Variants in PIK3C2A observed in about 807,000 individuals in gnomAD.
PIK3C2A encodes phosphatidylinositol-4-phosphate 3-kinase catalytic subunit type 2 alpha.
In PIK3C2A, 97 loss-of-function variants were observed where a neutral mutation model predicts 204.5. The observed-to-expected ratio is 0.47, with a 90% CI of 0.40 to 0.56. The LOEUF (loss-of-function observed/expected upper bound fraction) is 0.56, where lower values mean the gene tolerates loss of function less well. Ranked by LOEUF, PIK3C2A falls within the 20% of genes least tolerant of loss-of-function variation. The pLI, the probability that PIK3C2A is intolerant of heterozygous loss-of-function variation, is 0.00. For missense variants in PIK3C2A, 1,735 were observed against 1,969.2 expected, an observed-to-expected ratio of 0.88 and a Z score of 2.25; for synonymous variants, 653 against 664.4, an observed-to-expected ratio of 0.98 and a Z score of 0.26.
chr11:17,178,931 T>C (rs898307302), intron 1 of PIK3C2A, among the ~76,000 whole-genome samples: 1 of 149,862 alleles, frequency 6.7e-6, no homozygotes, highest in Non-Finnish European at 1.5e-5. Context: ...GGGTTTCACC[T>C]TGTTAGCCAG....
At chr11:17,128,467 G>C (rs1438369916) in intron 13 of PIK3C2A, among the ~76,000 whole-genome samples, 5 of 152,050 alleles carry the variant, frequency 3.3e-5, no homozygotes, top group Admixed American at 3.3e-4. Flanking sequence ...TCAAACTGCT[G>C]ACCTCAAGTG....
In PIK3C2A at chr11:17,169,826, T is replaced by C. The variant is rs150910454; in HGVS notation, c.-65-20A>G. 1.3e-3 allele frequency: 1,118 copies of C among 834,944 alleles called. 5 individuals are homozygous for C. The African/African-American group carries it at 0.017, about 13-fold the overall frequency. The allele number at this position is 834,944 out of a possible 1,614,324, so 51.7% of individuals were successfully genotyped here. ...CAAGGCCTATACATAAAAATAAACATAACACTCAATTAGATTTCTAAACAT... is the reference window on the plus strand; with the variant it reads ...CAAGGCCTATACATAAAAATAAACACAACACTCAATTAGATTTCTAAACAT... On this transcript the variant is annotated intron_variant, in intron 1 of 32. Coordinates refer to ENST00000691414, the MANE Select transcript of PIK3C2A (RefSeq NM_002645.4).
chr11:17,181,722 A>G (rs909056462), intron 1 of PIK3C2A, among the ~76,000 whole-genome samples: 2 of 148,678 alleles, frequency 1.3e-5, no homozygotes, highest in African/African-American at 5.0e-5. Flanking sequence ...TGATTCATAT[A>G]AAGTTCAAAA....
At chr11:17,205,551 A>G (rs1347813741) in intron 1 of PIK3C2A, among the ~76,000 whole-genome samples, 1 of 151,912 alleles carries the variant, frequency 6.6e-6, no homozygotes, top group Non-Finnish European at 1.5e-5. Flanking sequence ...GCTTTGCACT[A>G]CTGCTGCTCT....
At chr11:17,132,515 G>T (rs1166508061) in intron 11 of PIK3C2A, among the ~76,000 whole-genome samples, 1 of 150,406 alleles carries the variant, frequency 6.6e-6, no homozygotes, top group Admixed American at 6.6e-5. Context: ...ATTTTTAGTA[G>T]AGACGGGGTT....
intron 2 of PIK3C2A, among the ~76,000 whole-genome samples, chr11:17,156,393 T>TC (rs1161721852): frequency 2.6e-5 from 4 of 152,190 alleles, no homozygotes; most frequent in Non-Finnish European, 5.9e-5. Flanking sequence ...GACTTTTTTT[T>TC]CTTTGTTTTT....
intron 1 of PIK3C2A, among the ~76,000 whole-genome samples, chr11:17,207,450 C>T (rs969423473): frequency 6.6e-6 from 1 of 152,158 alleles, no homozygotes. Context: ...TAACAATCTG[C>T]CAAGAAAATA....
chr11:17,202,309 G>A (rs913646570), intron 1 of PIK3C2A, among the ~76,000 whole-genome samples: 2 of 151,076 alleles, frequency 1.3e-5, no homozygotes, highest in Non-Finnish European at 2.9e-5. Flanking sequence ...ATACTGGGGT[G>A]GACGTGGTGG....
chr11:17,099,192 G>A (rs182844842), intron 26 of PIK3C2A, among the ~76,000 whole-genome samples: 8 of 152,324 alleles, frequency 5.3e-5, no homozygotes, highest in African/African-American at 1.9e-4. Flanking sequence ...ACTGCGCCTG[G>A]CTGGAAGATC....
At chr11:17,139,286 G>C (rs1462708374) in intron 8 of PIK3C2A, among the ~76,000 whole-genome samples, 1 of 151,218 alleles carries the variant, frequency 6.6e-6, no homozygotes, top group African/African-American at 2.4e-5. Context: ...GGAGTGCAGT[G>C]GCATGATCTC....
chr11:17,095,262 T>C (rs985693496), intron 27 of PIK3C2A, among the ~76,000 whole-genome samples: 7 of 151,628 alleles, frequency 4.6e-5, no homozygotes, highest in Non-Finnish European at 7.4e-5. Context: ...CGAGACCGTT[T>C]CTCAAAAAGT....
At chr11:17,103,888 G>T (rs563410578) in intron 23 of PIK3C2A, among the ~76,000 whole-genome samples, 2 of 152,242 alleles carry the variant, frequency 1.3e-5, no homozygotes, top group Admixed American at 1.3e-4. Context: ...TCCTCACCAG[G>T]AATCACAAAA....
rs570965921 is a variant in PIK3C2A, at chr11:17,175,667, G to A, written c.-65-5861C>T. Among the ~76,000 whole-genome samples the A allele has an allele frequency of 7.2e-5, 11 of 152,266 alleles. No homozygotes were observed. In the East Asian group the frequency reaches 1.9e-3, roughly 27 times the overall value. On this transcript the variant is annotated intron_variant, in intron 1 of 32. Coordinates refer to ENST00000691414, the MANE Select transcript of PIK3C2A (RefSeq NM_002645.4). ...TAAAGTAACCCAGTGAAGATCACAAGGCTGTAGCTACTTTAAAATTCTTCA... is the reference window on the plus strand; with the variant it reads ...TAAAGTAACCCAGTGAAGATCACAAAGCTGTAGCTACTTTAAAATTCTTCA...
At chr11:17,133,585 C>A (rs1278585581) in intron 11 of PIK3C2A, among the ~76,000 whole-genome samples, 1 of 152,110 alleles carries the variant, frequency 6.6e-6, no homozygotes, top group African/African-American at 2.4e-5. Flanking sequence ...AAAACTATTT[C>A]ACTAAAAATA....
At chr11:17,193,485 A>G in intron 1 of PIK3C2A, 1 of 448,126 alleles carries the variant, frequency 2.2e-6, no homozygotes, top group Non-Finnish European at 4.5e-6. Flanking sequence ...CTTAGGGTGC[A>G]GACATGGCCA....
intron 20 of PIK3C2A, among the ~76,000 whole-genome samples, chr11:17,113,133 T>C (rs1565249292): frequency 6.6e-6 from 1 of 152,106 alleles, no homozygotes; most frequent in Non-Finnish European, 1.5e-5. Flanking sequence ...TGCCTCAGCC[T>C]CCCGAGTAGC....
At chr11:17,147,102 CAG>C (rs913124292) in intron 6 of PIK3C2A, among the ~76,000 whole-genome samples, 1 of 151,980 alleles carries the variant, frequency 6.6e-6, no homozygotes, top group African/African-American at 2.4e-5. Context: ...ACTTTTAAAA[CAG>C]GGAATTAGTT....
chr11:17,198,212 C>T (rs994996898), intron 1 of PIK3C2A, among the ~76,000 whole-genome samples: 8 of 151,698 alleles, frequency 5.3e-5, no homozygotes, highest in Non-Finnish European at 1.2e-4. Flanking sequence ...AGGTTCAAGC[C>T]GATTCTCCTA....
intron 1 of PIK3C2A, among the ~76,000 whole-genome samples, chr11:17,192,453 A>AT (rs2137554523): frequency 6.6e-6 from 1 of 152,220 alleles, no homozygotes; most frequent in East Asian, 1.9e-4. Flanking sequence ...AAAGAACTGT[A>AT]TTTTTTGTAT....
Sources: gnomAD v4.1 joint callset for allele counts (sites outside exome capture counted in the v4.1 genomes callset) on GRCh38, gnomAD v4.1.1 for gene constraint, MANE v1.5 for transcripts, NCBI Gene and HGNC (gene_info 2026-07-23, HGNC 2026-07-21) for gene names.